Variants in SLC4A10 observed in about 807,000 individuals in gnomAD.
SLC4A10 encodes solute carrier family 4 member 10, also known as sodium-driven chloride bicarbonate exchanger.
In SLC4A10, 42 loss-of-function variants were observed where a neutral mutation model predicts 137.7. The observed-to-expected ratio is 0.30, with a 90% CI of 0.24 to 0.39. The LOEUF is 0.39. SLC4A10 is among the 10% of genes least tolerant of loss of function. The probability of loss-of-function intolerance (pLI) is 1.00; values close to 1 mark genes in which losing one functional copy is unlikely to be tolerated. For synonymous variants in SLC4A10, 474 were observed against 464.1 expected, an observed-to-expected ratio of 1.02 and a Z score of -0.27; for missense variants, 925 against 1,355.0, an observed-to-expected ratio of 0.68 and a Z score of 4.98.
At chr2:161,895,778 A>T (rs866881791) in intron 11 of SLC4A10, among the ~76,000 whole-genome samples, 1 of 151,738 alleles carries the variant, frequency 6.6e-6, no homozygotes, top group East Asian at 1.9e-4. Context: ...TTTTCTTGTA[A>T]ATTTGTTTGA....
intron 8 of SLC4A10, among the ~76,000 whole-genome samples, chr2:161,878,826 TA>T (rs1233002610): frequency 1.3e-5 from 2 of 152,264 alleles, no homozygotes; most frequent in African/African-American, 4.8e-5. Flanking sequence ...AAAGAATAGT[TA>T]TTTAACTGAA....
intron 26 of SLC4A10, among the ~76,000 whole-genome samples, chr2:161,979,520 C>A: frequency 6.6e-6 from 1 of 152,196 alleles, no homozygotes; most frequent in Non-Finnish European, 1.5e-5. Flanking sequence ...TTGTGGTTTT[C>A]CATGTGAGAA....
intron 3 of SLC4A10, among the ~76,000 whole-genome samples, chr2:161,815,670 A>T (rs144009063): frequency 6.6e-6 from 1 of 152,102 alleles, no homozygotes; most frequent in African/African-American, 2.4e-5. Flanking sequence ...CTAGGCTTCA[A>T]CCTCAAGGAT....
chr2:161,940,085 G>C (rs749271757), intron 15 of SLC4A10, among the ~76,000 whole-genome samples: 4 of 152,042 alleles, frequency 2.6e-5, no homozygotes, highest in Non-Finnish European at 5.9e-5. Flanking sequence ...TTTTCTTAAG[G>C]GTATACAGCA....
At chr2:161,677,474 T>C (rs1483933476) in intron 1 of SLC4A10, among the ~76,000 whole-genome samples, 1 of 152,192 alleles carries the variant, frequency 6.6e-6, no homozygotes, top group East Asian at 1.9e-4. Context: ...ATTACACATA[T>C]ACTTAACAAG....
chr2:161,747,943 C>A (rs898693663), intron 1 of SLC4A10, among the ~76,000 whole-genome samples: 2 of 152,110 alleles, frequency 1.3e-5, no homozygotes, highest in Non-Finnish European at 2.9e-5. Context: ...TTTCTCCACA[C>A]CCTCACCAAC....
chr2:161,661,512 G>A (rs1224585482), intron 1 of SLC4A10, among the ~76,000 whole-genome samples: 1 of 152,338 alleles, frequency 6.6e-6, no homozygotes, highest in Non-Finnish European at 1.5e-5. Context: ...TGACAGTATT[G>A]AAACTGAATG....
chr2:161,697,520 A>G (rs1313766439), intron 1 of SLC4A10, among the ~76,000 whole-genome samples: 2 of 152,120 alleles, frequency 1.3e-5, no homozygotes, highest in Admixed American at 6.5e-5. Context: ...AACTTTCTAC[A>G]TATGGCTAGC....
intron 3 of SLC4A10, among the ~76,000 whole-genome samples, chr2:161,839,165 A>G (rs1372422118): frequency 3.3e-5 from 5 of 152,226 alleles, no homozygotes; most frequent in Admixed American, 3.3e-4. Flanking sequence ...ACAATGACAG[A>G]TAAATCTCAA....
At chr2:161,779,645 A>T (rs2052777652) in intron 2 of SLC4A10, among the ~76,000 whole-genome samples, 1 of 152,032 alleles carries the variant, frequency 6.6e-6, no homozygotes. Flanking sequence ...AAAATAAAGA[A>T]AAGAAAAAAA....
At chr2:161,797,963 G>T (rs968708822) in intron 2 of SLC4A10, among the ~76,000 whole-genome samples, 1 of 151,928 alleles carries the variant, frequency 6.6e-6, no homozygotes, top group Non-Finnish European at 1.5e-5. Flanking sequence ...CCTTCCCAGG[G>T]TCAGGTAACT....
chr2:161,751,703 G>A (rs1204176690), intron 1 of SLC4A10, among the ~76,000 whole-genome samples: 2 of 151,574 alleles, frequency 1.3e-5, no homozygotes, highest in Admixed American at 1.3e-4. Context: ...TATTATTATT[G>A]CAAATGCCTT....
At chr2:161,791,504 A>G (rs1342704365) in intron 2 of SLC4A10, among the ~76,000 whole-genome samples, 2 of 152,184 alleles carry the variant, frequency 1.3e-5, no homozygotes, top group African/African-American at 4.8e-5. Context: ...ATCAGGAAGA[A>G]TAGCTGATGG....
intron 1 of SLC4A10, among the ~76,000 whole-genome samples, chr2:161,687,931 A>G (rs977706147): frequency 6.6e-6 from 1 of 152,162 alleles, no homozygotes; most frequent in African/African-American, 2.4e-5. Flanking sequence ...TTTCTTTATA[A>G]ATTATCCAGT....
chr2:161,930,904 TTTTTGTTTTGTTTTGTTTTG>T (rs370252753), intron 15 of SLC4A10, among the ~76,000 whole-genome samples: 1 of 147,952 alleles, frequency 6.8e-6, no homozygotes. Context: ...CTGCCACATG[TTTTTGTTTTGTTTTGTTTTG>T]TTTTGTTTTG....
intron 1 of SLC4A10, among the ~76,000 whole-genome samples, chr2:161,651,541 C>A (rs879905684): frequency 1.3e-5 from 2 of 152,216 alleles, no homozygotes; most frequent in Admixed American, 6.5e-5. Flanking sequence ...GACCTATGAC[C>A]TCCCTGAGTC....
chr2:161,661,489 G>A (rs555544278), intron 1 of SLC4A10, among the ~76,000 whole-genome samples: 24 of 152,340 alleles, frequency 1.6e-4, no homozygotes, highest in Non-Finnish European at 3.5e-4. Flanking sequence ...AGAGAGACAA[G>A]AATAGTGTTT....
intron 1 of SLC4A10, among the ~76,000 whole-genome samples, chr2:161,695,295 C>G (rs1217862506): frequency 6.6e-6 from 1 of 151,996 alleles, no homozygotes; most frequent in Non-Finnish European, 1.5e-5. Context: ...ATATTATTTA[C>G]AAATCAACTC....
intron 23 of SLC4A10, among the ~76,000 whole-genome samples, chr2:161,965,497 C>A (rs982914383): frequency 7.2e-5 from 11 of 152,152 alleles, no homozygotes; most frequent in Middle Eastern, 3.4e-3. Context: ...TAACTATTTC[C>A]AAATTATGAT....
Sources: gnomAD v4.1 joint callset for allele counts (sites outside exome capture counted in the v4.1 genomes callset) on GRCh38, gnomAD v4.1.1 for gene constraint, MANE v1.5 for transcripts, NCBI Gene and HGNC (gene_info 2026-07-23, HGNC 2026-07-21) for gene names.